Variants in RAB36 observed in about 807,000 individuals in gnomAD.
RAB36 encodes the protein ras-related protein Rab-36.
A neutral mutation model predicts 39.3 loss-of-function variants in RAB36; 33 were observed. The observed-to-expected ratio is 0.84, with a 90% CI of 0.64 to 1.12. RAB36 has a LOEUF of 1.12. Among genes scored for constraint, RAB36 ranks in the 50% most tolerant of loss-of-function variants. The probability of loss-of-function intolerance (pLI) is 0.00; values close to 1 mark genes in which losing one functional copy is unlikely to be tolerated. For missense variants in RAB36, 308 were observed against 355.3 expected, an observed-to-expected ratio of 0.87 and a Z score of 1.07; for synonymous variants, 133 against 140.2, an observed-to-expected ratio of 0.95 and a Z score of 0.36.
chr22:23,155,815 G>A (rs1290744640), intron 5 of RAB36, among the ~76,000 whole-genome samples, 153 bp from the exon 6 acceptor site: 1 of 152,214 alleles, frequency 6.6e-6, no homozygotes, highest in Non-Finnish European at 1.5e-5. Flanking sequence ...CTGGGGGTAG[G>A]GACATCTGGC....
Position 23,145,553 on chromosome 22 carries a change from T to C in RAB36, c.-13+2T>C. On this transcript the variant is annotated splice_donor_variant, in intron 1 of 10. Coordinates refer to ENST00000263116, the MANE Select transcript of RAB36 (RefSeq NM_004914.5). LOFTEE classifies it low-confidence loss of function (5UTR_SPLICE). ...CCCCAGCTTTCACAGCCATCGCTGG[T>C]GAGTCAGCTCGCCCACTCTGTCCGA... is the stretch of plus-strand genomic sequence containing the variant. 5 of 1,599,436 alleles carry C rather than the reference T, an allele frequency of 3.1e-6. No homozygotes were observed. Among genetic ancestry groups the C allele is most frequent in the Non-Finnish European group, 4.2e-6 (5 of 1,178,520 alleles).
intron 2 of RAB36, among the ~76,000 whole-genome samples, chr22:23,148,428 A>T (rs908989820): frequency 6.6e-6 from 1 of 152,192 alleles, no homozygotes; most frequent in Non-Finnish European, 1.5e-5. Context: ...CGAGGATCAG[A>T]GTTAAGGAGG....
intron 9 of RAB36, among the ~76,000 whole-genome samples, chr22:23,160,199 C>A (rs1222055775): frequency 6.6e-6 from 1 of 152,166 alleles, no homozygotes; most frequent in Non-Finnish European, 1.5e-5. Context: ...TTCAGCCCAG[C>A]GCAAACAACT....
At chr22:23,154,243 C>T (rs1403667828) in intron 5 of RAB36, among the ~76,000 whole-genome samples, 1 of 152,164 alleles carries the variant, frequency 6.6e-6, no homozygotes, top group African/African-American at 2.4e-5. Context: ...TAGCCCCGCC[C>T]CCCTCCTCTC....
rs572849247 is a variant in RAB36, at chr22:23,157,312, G to T, written c.395-680G>T. On this transcript the variant is annotated intron_variant, in intron 6 of 10. Coordinates refer to ENST00000263116, the MANE Select transcript of RAB36 (RefSeq NM_004914.5). ...GTAGCCCAAACTGGAGTGCAGTGGC[G>T]CAATCTCGGCTCACTGCAAGCTCCG... Among the ~76,000 whole-genome samples, 119 of 151,644 alleles carry T rather than the reference G, an allele frequency of 7.8e-4. 1 individual carries two copies. In the East Asian group the frequency reaches 0.011, roughly 14 times the overall value.
At chr22:23,157,400 G>A (rs1166852125) in intron 6 of RAB36, among the ~76,000 whole-genome samples, 4 of 152,054 alleles carry the variant, frequency 2.6e-5, no homozygotes, top group Non-Finnish European at 5.9e-5. Context: ...GCAGGTGCCG[G>A]CTACCACACC....
chr22:23,166,262 G>T (rs1220507590), downstream of RAB36, among the ~76,000 whole-genome samples: 3 of 149,620 alleles, frequency 2.0e-5, no homozygotes, highest in Admixed American at 1.3e-4. Context: ...GGCCAAAATG[G>T]GGCATTTTGG....
rs1487436665 is a variant in RAB36 at position 23,155,956 on chromosome 22, C to T, written c.330-12C>T. 3.7e-6 allele frequency: 6 copies of T among 1,606,148 alleles called. No homozygotes were observed. The Admixed American group carries it at 1.0e-4, about 27-fold the overall frequency. On this transcript the variant is annotated splice_polypyrimidine_tract_variant and intron_variant, in intron 5 of 10. Coordinates refer to ENST00000263116, the MANE Select transcript of RAB36 (RefSeq NM_004914.5). ...TGACACCATTTCCCTTTCTTTCTCACCCACCTCACAGCTGGGACACAGCTG... is the reference window on the plus strand; with the variant it reads ...TGACACCATTTCCCTTTCTTTCTCATCCACCTCACAGCTGGGACACAGCTG...
chr22:23,150,202 G>A (rs1198748495), intron 3 of RAB36, 48 bp downstream of exon 3: 5 of 1,422,882 alleles, frequency 3.5e-6, no homozygotes, highest in Non-Finnish European at 3.9e-6. Flanking sequence ...AAGAAGGAAT[G>A]AGTGCATGAA....
At chr22:23,160,434 C>A (rs991891785) in intron 9 of RAB36, among the ~76,000 whole-genome samples, 2 of 152,204 alleles carry the variant, frequency 1.3e-5, no homozygotes, top group Admixed American at 1.3e-4. Context: ...GAGGAGGATG[C>A]ATAAAGGCTC....
At chr22:23,150,749 GCTTCCC>G (rs754526800) in intron 3 of RAB36, among the ~76,000 whole-genome samples, 2 of 152,042 alleles carry the variant, frequency 1.3e-5, no homozygotes, top group African/African-American at 4.8e-5. Context: ...TAATCCCCTC[GCTTCCC>G]CTTCCCCTTC....
chr22:23,158,589 G>A (rs150145713), intron 7 of RAB36, among the ~76,000 whole-genome samples: 1 of 152,320 alleles, frequency 6.6e-6, no homozygotes, highest in East Asian at 1.9e-4. Flanking sequence ...TGAGGGAGGC[G>A]GGGGTGATGG....
At chr22:23,151,439 AAGGTGACCTGCAGCCCAGGTCACC>A (rs1302024299) in intron 3 of RAB36, among the ~76,000 whole-genome samples, 1 of 152,212 alleles carries the variant, frequency 6.6e-6, no homozygotes, top group Non-Finnish European at 1.5e-5. Flanking sequence ...CGGACCTGGC[AAGGTGACCTGCAGCCCAGGTCACC>A]AGGTGACACA....
At chr22:23,158,479 G>A (rs1488272073) in intron 7 of RAB36, among the ~76,000 whole-genome samples, 5 of 152,314 alleles carry the variant, frequency 3.3e-5, no homozygotes, top group African/African-American at 4.8e-5. Flanking sequence ...CCATTCAAGA[G>A]GCTATCCTAC....
At chr22:23,154,323 G>A (rs540233418) in intron 5 of RAB36, among the ~76,000 whole-genome samples, 4 of 152,290 alleles carry the variant, frequency 2.6e-5, no homozygotes, top group Non-Finnish European at 4.4e-5. Context: ...TCCATGCCCT[G>A]CCTGGACTGA....
chr22:23,160,738 TG>T, intron 9 of RAB36, 140 bp from the exon 10 acceptor site: 1 of 1,190,546 alleles, frequency 8.4e-7, no homozygotes, highest in Non-Finnish European at 1.2e-6. Context: ...TGTGCCCTCC[TG>T]GGGTCATTGT....
At position 23,153,628 on chromosome 22, in the gene RAB36, G is replaced by A. The variant is rs148694298; in HGVS notation, c.329+494G>A. 5.2e-3 allele frequency: 5,079 copies of A among 983,522 alleles called. 15 individuals carry two copies. Among genetic ancestry groups the A allele is most frequent in the Middle Eastern group, 0.013 (25 of 1,912 alleles). 60.9% of individuals were successfully genotyped at this position (983,522 alleles called of 1,614,324 possible). A position where few individuals can be genotyped will look rare whatever the true frequency, so the allele number is the denominator to read the frequency against. On this transcript the variant is annotated intron_variant, in intron 5 of 10. Transcript: ENST00000263116. ...ATCCTTCCTCAGGTCTGAGGCACTC[G>A]TCTTCCTCCTCACACTGCAGCCTTC...
At chr22:23,168,623 C>G (rs1421789450), downstream of RAB36, among the ~76,000 whole-genome samples, 1 of 152,160 alleles carries the variant, frequency 6.6e-6, no homozygotes, top group Non-Finnish European at 1.5e-5. Flanking sequence ...TCAGCCTTCC[C>G]CTGAAGGAAA....
chr22:23,145,510 G>T lies in RAB36; in HGVS notation c.-54G>T, dbSNP rs755463438. The stretch of plus-strand genomic sequence containing the variant: ...GGTGATCGCCGCCGCTGGCTCAGGC[G>T]GACCAGGCCGCGCGGAGCCCCAGCT... On this transcript the variant is annotated 5_prime_UTR_variant, in exon 1 of 11. It introduces an in-frame stop codon into an upstream open reading frame of the 5' UTR. Transcript: ENST00000263116. 4.1e-5 allele frequency: 66 copies of T among 1,605,432 alleles called. No individual in the cohort carries two copies. The highest frequency in any genetic ancestry group is 5.5e-5 in the Non-Finnish European group (65 of 1,179,546).
Sources: allele counts gnomAD v4.1 joint callset (sites outside exome capture counted in the v4.1 genomes callset), GRCh38; gene constraint gnomAD v4.1.1; transcripts MANE v1.5; gene names NCBI Gene and HGNC (gene_info 2026-07-23, HGNC 2026-07-21).